ABCD2: variants seen among roughly 807,000 people sequenced by gnomAD.
The protein encoded by ABCD2 is ATP-binding cassette sub-family D member 2.
In ABCD2, 36 loss-of-function variants were observed where a neutral mutation model predicts 70.9. The ratio of observed to expected loss-of-function variants is 0.51; its 90% CI spans 0.39 to 0.67. ABCD2 has a LOEUF of 0.67. ABCD2 is among the 30% of genes least tolerant of loss of function. The pLI, the probability that ABCD2 is intolerant of heterozygous loss-of-function variation, is 0.00. For missense variants in ABCD2, 729 were observed against 890.2 expected, an observed-to-expected ratio of 0.82 and a Z score of 2.30; for synonymous variants, 304 against 306.9, an observed-to-expected ratio of 0.99 and a Z score of 0.10.
At chr12:39,564,019 G>C (rs1027808531) in intron 9 of ABCD2, among the ~76,000 whole-genome samples, 1 of 152,076 alleles carries the variant, frequency 6.6e-6, no homozygotes, top group African/African-American at 2.4e-5. Flanking sequence ...TCTTAATTCA[G>C]TCTATCATTG....
intron 9 of ABCD2, among the ~76,000 whole-genome samples, chr12:39,566,184 G>C (rs1341333511): frequency 6.6e-6 from 1 of 152,142 alleles, no homozygotes; most frequent in African/African-American, 2.4e-5. Context: ...CTATTTATTG[G>C]AATAGTTTCA....
chr12:39,564,605 T>A (rs1296287948), intron 9 of ABCD2, among the ~76,000 whole-genome samples: 1 of 152,256 alleles, frequency 6.6e-6, no homozygotes, highest in Admixed American at 6.5e-5. Flanking sequence ...TGGTAGTTTC[T>A]TTTGCTGTGC....
the ABCD2 span, among the ~76,000 whole-genome samples, chr12:39,534,685 A>C: frequency 3.4e-4 from 29 of 84,676 alleles, no homozygotes; most frequent in African/African-American, 1.3e-3. Flanking sequence ...GAGGGAAGGA[A>C]GGAAGGAAGG....
intron 9 of ABCD2, among the ~76,000 whole-genome samples, chr12:39,571,462 A>G (rs970708592): frequency 1.3e-5 from 2 of 152,208 alleles, no homozygotes; most frequent in Non-Finnish European, 2.9e-5. Flanking sequence ...GAAATAAGCT[A>G]GACACAGAAA....
chr12:39,550,029 C>T (rs2120498423), downstream of ABCD2: 1 of 151,890 alleles, frequency 6.6e-6, no homozygotes, highest in East Asian at 1.9e-4. Flanking sequence ...TGGTCACAAG[C>T]ATCTTCGGAC....
intron 7 of ABCD2, among the ~76,000 whole-genome samples, chr12:39,582,570 G>A (rs1941610603): frequency 6.6e-6 from 1 of 152,004 alleles, no homozygotes; most frequent in South Asian, 2.1e-4. Context: ...GATTTCAAAC[G>A]TCCTCAAAAT....
chr12:39,611,320 G>T (rs1372588696), intron 2 of ABCD2, among the ~76,000 whole-genome samples: 4 of 152,094 alleles, frequency 2.6e-5, no homozygotes, highest in South Asian at 4.1e-4. Context: ...GGGAAACTAT[G>T]GGGGGAGAGG....
At chr12:39,532,628 C>T in the ABCD2 span, among the ~76,000 whole-genome samples, 1 of 152,178 alleles carries the variant, frequency 6.6e-6, no homozygotes, top group Admixed American at 6.5e-5. Context: ...GCCACGTAGA[C>T]AAAGCTGTCT....
rs143274429 is a variant in ABCD2, at chr12:39,618,983, C to T, written c.633G>A (p.Thr211=). The T allele has an allele frequency of 7.7e-5, 125 of 1,614,178 alleles. No individual in the cohort carries two copies. In the African/African-American group the frequency reaches 1.3e-3, roughly 16 times the overall value. Reference sequence around the variant, plus strand: ...ATTGGGAGAACATCATAATATCCTCCGTAAGAGATTGGTCAGGGTTTGCCA... The same window carrying T: ...ATTGGGAGAACATCATAATATCCTCTGTAAGAGATTGGTCAGGGTTTGCCA... ...GRLANPDQSL[T]EDIMMFSQSV... The change falls in exon 1 of 10, where the codon ACG becomes ACA. Residue 211 remains threonine, a synonymous_variant. Transcript: ENST00000308666.
At chr12:39,613,515 A>T (rs1253179789) in intron 2 of ABCD2, among the ~76,000 whole-genome samples, 3 of 151,984 alleles carry the variant, frequency 2.0e-5, no homozygotes, top group Non-Finnish European at 4.4e-5. Context: ...CTTTAAAAAT[A>T]GTATAATAGA....
chr12:39,618,433 C>CT (rs1388999763), intron 1 of ABCD2, among the ~76,000 whole-genome samples: 1 of 152,094 alleles, frequency 6.6e-6, no homozygotes, highest in Non-Finnish European at 1.5e-5. Context: ...GCTAAGTAGA[C>CT]TTTTTTAGAG....
chr12:39,542,474 A>G, the ABCD2 span, among the ~76,000 whole-genome samples: 1 of 152,126 alleles, frequency 6.6e-6, no homozygotes, highest in South Asian at 2.1e-4. Context: ...AAAAAAAAAA[A>G]AAGGAATAAA....
intron 3 of ABCD2, among the ~76,000 whole-genome samples, chr12:39,605,604 T>C (rs1260353866): frequency 3.3e-5 from 5 of 152,016 alleles, no homozygotes; most frequent in African/African-American, 1.2e-4. Flanking sequence ...AATGGAATGG[T>C]GCCTTGTTCC....
At chr12:39,573,232 C>G (rs1236516698) in intron 9 of ABCD2, among the ~76,000 whole-genome samples, 1 of 152,030 alleles carries the variant, frequency 6.6e-6, no homozygotes, top group East Asian at 1.9e-4. Context: ...GATATTAGTT[C>G]TAAAAAAATT....
At chr12:39,592,824 C>G (rs1941765032) in intron 6 of ABCD2, among the ~76,000 whole-genome samples, 1 of 152,138 alleles carries the variant, frequency 6.6e-6, no homozygotes, top group South Asian at 2.1e-4. Flanking sequence ...CCCTGTTTGC[C>G]TTTTGGCAGC....
chr12:39,571,427 G>T (rs1488186743), intron 9 of ABCD2, among the ~76,000 whole-genome samples: 3 of 152,176 alleles, frequency 2.0e-5, no homozygotes, highest in Non-Finnish European at 2.9e-5. Flanking sequence ...AAACATGGAA[G>T]AACCTGGAGG....
chr12:39,608,347 C>G (rs1022005519), intron 2 of ABCD2, among the ~76,000 whole-genome samples: 2 of 152,192 alleles, frequency 1.3e-5, no homozygotes, highest in African/African-American at 4.8e-5. Context: ...AGCATTCTTT[C>G]AACCCTTTCC....
the ABCD2 span, among the ~76,000 whole-genome samples, chr12:39,532,550 A>G: frequency 6.6e-6 from 1 of 152,206 alleles, no homozygotes; most frequent in Admixed American, 6.5e-5. Flanking sequence ...AGATCTGGCA[A>G]TGTATATTAA....
intron 8 of ABCD2, among the ~76,000 whole-genome samples, chr12:39,578,245 CG>C (rs1941546574): frequency 6.6e-6 from 1 of 152,042 alleles, no homozygotes; most frequent in South Asian, 2.1e-4. Flanking sequence ...GAGGCCGAGG[CG>C]GGCGGATCAC....
Sources: allele counts gnomAD v4.1 joint callset (sites outside exome capture counted in the v4.1 genomes callset), GRCh38; gene constraint gnomAD v4.1.1; transcripts MANE v1.5; gene names NCBI Gene and HGNC (gene_info 2026-07-23, HGNC 2026-07-21).